Variants in TMEM63A observed in about 807,000 individuals in gnomAD.
TMEM63A encodes the protein mechanosensitive cation channel TMEM63A.
TMEM63A carries 76 observed loss-of-function variants against 100.6 expected under a neutral mutation model. The observed-to-expected ratio is 0.76, with a 90% CI of 0.63 to 0.91. The LOEUF (loss-of-function observed/expected upper bound fraction) is 0.91, where lower values mean the gene tolerates loss of function less well. Ranked by LOEUF, TMEM63A falls within the 40% of genes least tolerant of loss-of-function variation. The pLI is 0.00. For synonymous variants in TMEM63A, 401 were observed against 401.1 expected (o/e 1.00, Z 0.00); for missense variants, 876 against 1,008.8 (o/e 0.87, Z 1.78).
chr1:225,868,803 A>C (rs1559047427), intron 6 of TMEM63A, among the ~76,000 whole-genome samples: 2 of 151,796 alleles, frequency 1.3e-5, no homozygotes, highest in Non-Finnish European at 2.9e-5. Context: ...GTCCCAGTCC[A>C]TCCTACCACC....
At chr1:225,874,433 C>T (rs1670674425) in intron 3 of TMEM63A, 66 bp from the exon 4 acceptor site, 2 of 1,457,736 alleles carry the variant, frequency 1.4e-6, no homozygotes, top group South Asian at 1.2e-5. Context: ...ACACAGCGGT[C>T]TCAGGGGTAA....
chr1:225,845,262 G>T (rs141221713), downstream of TMEM63A: 1 of 1,613,836 alleles, frequency 6.2e-7, no homozygotes, highest in Admixed American at 1.7e-5. Context: ...TACATGGTTC[G>T]TGGGGGCCAC....
intron 4 of TMEM63A, 31 bp downstream of exon 4, chr1:225,874,257 C>T (rs777049869): frequency 2.5e-6 from 4 of 1,606,062 alleles, no homozygotes; most frequent in Non-Finnish European, 3.4e-6. Context: ...TACGCACACG[C>T]ATGCTCACAG....
chr1:225,844,539 A>G (rs771190130), downstream of TMEM63A: 13 of 1,614,152 alleles, frequency 8.1e-6, no homozygotes, highest in Admixed American at 8.3e-5. Context: ...GTCATGCTCT[A>G]CTGGACAACA....
Position 225,865,773 on chromosome 1 carries a change from AGATCTCACCTG to A in TMEM63A, c.746+113_746+123del, listed in dbSNP as rs1670171970. 1.0e-6 allele frequency: 1 copy of A among 954,778 alleles called. No individual in the cohort carries two copies. The highest frequency in any genetic ancestry group is 1.6e-5 in the African/African-American group (1 of 61,380). 59.1% of individuals were successfully genotyped at this position (954,778 alleles called of 1,614,324 possible). A position where few individuals can be genotyped will look rare whatever the true frequency, so the allele number is the denominator to read the frequency against. On this transcript the variant is annotated intron_variant, in intron 10 of 24. Coordinates refer to ENST00000366835, the MANE Select transcript of TMEM63A (RefSeq NM_014698.3). This position sits in a 1 kb window ranked among gnomAD's most constrained non-coding sequence, Gnocchi z 4.6. ...CGTGTGGCAGGGCCAGGTCCTTCTC[AGATCTCACCTG>A]GATACCCAAGCGAGAGACAGAAGGC...
intron 9 of TMEM63A, chr1:225,866,263 C>T (rs1576098862): frequency 5.8e-6 from 3 of 519,290 alleles, no homozygotes; most frequent in East Asian, 6.8e-5. Flanking sequence ...CAGAGGAGGA[C>T]CCAGGCCTGG....
At chr1:225,860,800 G>C in intron 14 of TMEM63A, 60 bp downstream of exon 14, 1 of 1,532,040 alleles carries the variant, frequency 6.5e-7, no homozygotes, top group East Asian at 2.3e-5. Context: ...TCCAGGTGAT[G>C]GGCAGCTCCC....
downstream of TMEM63A, chr1:225,845,470 C>T (rs1329738137): frequency 5.1e-6 from 5 of 981,200 alleles, no homozygotes; most frequent in South Asian, 3.1e-5. Flanking sequence ...TGGGAGCCCA[C>T]GCTCACCCCC....
chr1:225,859,356 C>G lies in TMEM63A; in HGVS notation c.1224-7G>C. ...CTGGATAGAGAGGTTCTTCCTGCAGCGGGAGAGGGGATACAGGTCTCGAGG... is the reference window on the plus strand; with the variant it reads ...CTGGATAGAGAGGTTCTTCCTGCAGGGGGAGAGGGGATACAGGTCTCGAGG... On this transcript the variant is annotated splice_polypyrimidine_tract_variant and splice_region_variant and intron_variant, in intron 14 of 24. Transcript: ENST00000366835. 6.2e-7 allele frequency: 1 copy of G among 1,613,400 alleles called. No homozygotes were observed. The highest frequency in any genetic ancestry group is 8.5e-7 in the Non-Finnish European group (1 of 1,179,922).
chr1:225,862,075 G>A lies in TMEM63A; in HGVS notation c.1085+143C>T. The A allele has an allele frequency of 1.6e-6, 2 of 1,278,944 alleles. No individual in the cohort carries two copies. The highest frequency in any genetic ancestry group is 2.1e-6 in the Non-Finnish European group (2 of 937,866). The allele number at this position is 1,278,944 out of a possible 1,614,324, so 79.2% of individuals were successfully genotyped here. On this transcript the variant is annotated intron_variant, in intron 13 of 24. Coordinates refer to ENST00000366835, the MANE Select transcript of TMEM63A (RefSeq NM_014698.3). The surrounding 1 kb of genome is among the most constrained non-coding windows in gnomAD (Gnocchi z 5.1). The stretch of plus-strand genomic sequence containing the variant: ...GGCTGGCTGAAAGTGAGTGTGGGTA[G>A]CTGAGGGAGGAGAAGGAAACACCAC...
At position 225,845,553 on chromosome 1, in the gene TMEM63A, TTACTC is replaced by T. The variant is rs1268244734; in HGVS notation, c.*1381_*1385del. The stretch of plus-strand genomic sequence containing the variant: ...AACATGGCTTTGATGATAAACGACT[TTACTC>T]TAAAAGCGGCTGGAACTCAGTGACA... On this transcript the variant is annotated 3_prime_UTR_variant, in exon 25 of 25. Transcript: ENST00000366835. 1.1e-5 allele frequency: 7 copies of T among 615,550 alleles called. No homozygotes were observed. Among genetic ancestry groups the T allele is most frequent in the Middle Eastern group, 4.4e-4 (1 of 2,274 alleles). The allele number at this position is 615,550 out of a possible 1,614,324, so 38.1% of individuals were successfully genotyped here. A position where few individuals can be genotyped will look rare whatever the true frequency, so the allele number is the denominator to read the frequency against.
Position 225,862,848 on chromosome 1 carries a change from G to A in TMEM63A, c.750C>T (p.Asp250=), listed in dbSNP as rs200715020. ...CAACCACCTCACACGTGGGATACGC[G>A]TCCCTGTGGCCAGGGAGAGAAGGAG... ...RKETVESHFR[D]AYPTCEVVDV... Residue 250 remains aspartate (D), a synonymous_variant, in exon 11 of 25, where the codon GAC becomes GAT. Coordinates refer to ENST00000366835, the MANE Select transcript of TMEM63A (RefSeq NM_014698.3). This position sits in a 1 kb window ranked among gnomAD's most constrained non-coding sequence, Gnocchi z 5.1. The A allele has an allele frequency of 4.0e-5, 65 of 1,613,608 alleles. No individual in the cohort carries two copies. In the Middle Eastern group the frequency reaches 2.5e-3, roughly 61 times the overall value.
At chr1:225,859,467 C>T in intron 14 of TMEM63A, 118 bp from the exon 15 acceptor site, 1 of 1,232,750 alleles carries the variant, frequency 8.1e-7, no homozygotes, top group Non-Finnish European at 1.1e-6. Flanking sequence ...AAGTTCTCTG[C>T]ACTGACCTTC....
chr1:225,860,733 G>T, intron 14 of TMEM63A, 127 bp downstream of exon 14: 1 of 1,230,850 alleles, frequency 8.1e-7, no homozygotes, highest in Non-Finnish European at 1.1e-6. Flanking sequence ...CAGCATCACA[G>T]CCCACAGAAT....
chr1:225,844,629 C>T (rs375479245), downstream of TMEM63A: 38 of 1,613,684 alleles, frequency 2.4e-5, no homozygotes, highest in Non-Finnish European at 3.0e-5. Context: ...GAGCGGTGAG[C>T]CTGGCTGAGC....
At chr1:225,881,189 G>A (rs901370835) in intron 1 of TMEM63A, among the ~76,000 whole-genome samples, 6 of 152,238 alleles carry the variant, frequency 3.9e-5, no homozygotes, top group Non-Finnish European at 7.3e-5. Flanking sequence ...ACCAGAGGCA[G>A]TGTGGCTCAG....
chr1:225,849,815 A>G (rs1669231557), intron 21 of TMEM63A, 97 bp downstream of exon 21: 1 of 1,462,156 alleles, frequency 6.8e-7, no homozygotes, highest in Non-Finnish European at 9.3e-7. Flanking sequence ...ACTGGATGCC[A>G]TGCTGATGCT....
At chr1:225,848,851 T>TG in intron 22 of TMEM63A, 46 bp downstream of exon 22, 1 of 1,454,190 alleles carries the variant, frequency 6.9e-7, no homozygotes, top group Non-Finnish European at 9.5e-7. Context: ...TCCCACCATC[T>TG]GTTCCTCCCA....
intron 4 of TMEM63A, 100 bp downstream of exon 4, chr1:225,874,188 A>G: frequency 8.4e-7 from 1 of 1,186,710 alleles, no homozygotes; most frequent in East Asian, 2.4e-5. Flanking sequence ...CACACACTAT[A>G]CACACATATA....
Sources: gnomAD v4.1 joint callset for allele counts (sites outside exome capture counted in the v4.1 genomes callset) on GRCh38, gnomAD v4.1.1 for gene constraint, Gnocchi (gnomAD v3.1) non-coding constraint, MANE v1.5 for transcripts, NCBI Gene and HGNC (gene_info 2026-07-23, HGNC 2026-07-21) for gene names.